The following TAF2 variants were observed in gnomAD, a reference collection of about 807,000 sequenced individuals.
The protein encoded by TAF2 is TATA-box binding protein associated factor 2.
TAF2 carries 61 observed loss-of-function variants against 138.5 expected under a neutral mutation model. The ratio of observed to expected loss-of-function variants is 0.44; its 90% CI spans 0.36 to 0.54. TAF2 has a LOEUF of 0.54. Ranked by LOEUF, TAF2 falls within the 20% of genes least tolerant of loss-of-function variation. The probability of loss-of-function intolerance (pLI) is 0.00; values close to 1 mark genes in which losing one functional copy is unlikely to be tolerated. For synonymous variants in TAF2, 475 were observed against 469.9 expected (o/e 1.01, Z -0.14); for missense variants, 1,090 against 1,427.9 (o/e 0.76, Z 3.81).
chr8:119,752,972 T>C lies in TAF2; in HGVS notation c.2878+3034A>G, dbSNP rs559616486. Among the ~76,000 whole-genome samples, 3 of 152,280 alleles carry C rather than the reference T, an allele frequency of 2.0e-5. No homozygotes were observed. In the East Asian group the frequency reaches 5.8e-4, roughly 29 times the overall value. ...AGGAGCAGGCAGGGTTCCAGCGGAT[T>C]TGGGGACTTAAATGATGCTCTAGCT... On this transcript the variant is annotated intron_variant, in intron 22 of 25. Coordinates refer to ENST00000378164, the MANE Select transcript of TAF2 (RefSeq NM_003184.4).
intron 3 of TAF2, among the ~76,000 whole-genome samples, chr8:119,815,788 A>G (rs188923526): frequency 3.8e-4 from 58 of 152,356 alleles, no homozygotes; most frequent in African/African-American, 1.3e-3. Flanking sequence ...TCTACAATCC[A>G]TAAGATTCAC....
chr8:119,767,990 C>T (rs1252250127), intron 18 of TAF2, among the ~76,000 whole-genome samples: 1 of 152,202 alleles, frequency 6.6e-6, no homozygotes, highest in African/African-American at 2.4e-5. Context: ...ATGTCCCCAA[C>T]AGCGAAATAC....
intron 14 of TAF2, among the ~76,000 whole-genome samples, chr8:119,788,005 G>A (rs1334777492): frequency 6.6e-6 from 1 of 152,074 alleles, no homozygotes; most frequent in East Asian, 1.9e-4. Context: ...ACCAAACACT[G>A]CATGTTCTCA....
At chr8:119,776,688 C>G (rs2131115823) in intron 18 of TAF2, among the ~76,000 whole-genome samples, 1 of 151,688 alleles carries the variant, frequency 6.6e-6, no homozygotes, top group African/African-American at 2.4e-5. Context: ...GACTCTGTCT[C>G]AAAAAAAAGT....
chr8:119,809,826 A>T (rs1237075725), intron 3 of TAF2, among the ~76,000 whole-genome samples: 1 of 152,212 alleles, frequency 6.6e-6, no homozygotes, highest in Non-Finnish European at 1.5e-5. Context: ...TACAATTGTA[A>T]TATCAAAGAT....
chr8:119,824,891 A>G (rs1419047748), intron 2 of TAF2, among the ~76,000 whole-genome samples: 1 of 152,240 alleles, frequency 6.6e-6, no homozygotes. Context: ...AATTTGCTGT[A>G]GAGGTAGGAT....
intron 13 of TAF2, 117 bp downstream of exon 13, chr8:119,788,673 A>G (rs891754092): frequency 3.5e-6 from 3 of 849,460 alleles, no homozygotes; most frequent in South Asian, 1.4e-5. Context: ...TGTTTTCTCA[A>G]TTTATCCACT....
In TAF2 at chr8:119,825,525, A is replaced by G. The variant is rs186407807; in HGVS notation, c.139-6019T>C. ...GAGGGCTTAAGATTTGGGAGGGGCC[A>G]GGGGCAGAATGATACAATTTGGCTG... On this transcript the variant is annotated intron_variant, in intron 2 of 25. Transcript: ENST00000378164. 7.5e-3 allele frequency among the ~76,000 whole-genome samples: 1,145 copies of G among 152,258 alleles called. 17 individuals are homozygous for G. Among genetic ancestry groups the G allele is most frequent in the African/African-American group, 0.026 (1,085 of 41,556 alleles).
intron 18 of TAF2, among the ~76,000 whole-genome samples, chr8:119,776,922 G>T (rs991064661): frequency 6.6e-6 from 1 of 152,044 alleles, no homozygotes; most frequent in African/African-American, 2.4e-5. Context: ...ATATATGTGG[G>T]TTCCATATCC....
At position 119,756,018 on chromosome 8, in the gene TAF2, G is replaced by A. The variant is rs756840055; in HGVS notation, c.2866C>T (p.Leu956Phe). ...NEALVDQLWK[L>F]MNSGTSHDWR... The stretch of plus-strand genomic sequence containing the variant: ...CCTGCTCTCTCACCAGAATTCATAA[G>A]TTTCCAAAGTTGATCTACCAGGGCT... Residue 956 changes from leucine (L) to phenylalanine (F), a missense_variant, in exon 22 of 26, where the codon CTT (leucine) becomes TTT (phenylalanine). Around this residue, in one of 3 missense-constraint regions of TAF2, gnomAD observed 580 missense variants for 719.6 expected, o/e 0.81. Coordinates refer to ENST00000378164, the MANE Select transcript of TAF2 (RefSeq NM_003184.4). The A allele has an allele frequency of 6.2e-7, 1 of 1,611,562 alleles. No homozygotes were observed. The highest frequency in any genetic ancestry group is 1.1e-5 in the South Asian group (1 of 91,012).
Position 119,798,511 on chromosome 8 carries a change from T to C in TAF2, c.793-665A>G, listed in dbSNP as rs117689032. On this transcript the variant is annotated intron_variant, in intron 6 of 25. Transcript: ENST00000378164. ...CACTGACTAGAACAACCGTGTAAGG[T>C]TTCATGCAGGAGTGTGAAGCTGTGG... Among the ~76,000 whole-genome samples the C allele has an allele frequency of 2.1e-4, 32 of 152,254 alleles. No homozygotes were observed. The East Asian group carries it at 6.2e-3, about 29-fold the overall frequency.
At chr8:119,798,979 A>T (rs1363963193) in intron 6 of TAF2, among the ~76,000 whole-genome samples, 1 of 152,182 alleles carries the variant, frequency 6.6e-6, no homozygotes, top group Admixed American at 6.5e-5. Context: ...ATCCTACAAG[A>T]CAGCAAATTT....
intron 18 of TAF2, chr8:119,766,978 CACACAT>C (rs1821471287): frequency 6.6e-6 from 1 of 152,172 alleles, no homozygotes; most frequent in Non-Finnish European, 1.5e-5. Flanking sequence ...TTCTGATTTA[CACACAT>C]ACACATATGT....
At chr8:119,824,565 T>C (rs933179539) in intron 2 of TAF2, among the ~76,000 whole-genome samples, 6 of 152,218 alleles carry the variant, frequency 3.9e-5, no homozygotes, top group Non-Finnish European at 8.8e-5. Flanking sequence ...CCAGGGCATG[T>C]CAGAGGTCTT....
At chr8:119,770,150 GA>G (rs1427433475) in intron 18 of TAF2, among the ~76,000 whole-genome samples, 12 of 145,266 alleles carry the variant, frequency 8.3e-5, no homozygotes, top group Admixed American at 1.4e-4. Flanking sequence ...TCCTGGGGCA[GA>G]AAAAAAAAAG....
Position 119,809,802 on chromosome 8 carries a change from G to A in TAF2, c.300-3401C>T, listed in dbSNP as rs190432344. The stretch of plus-strand genomic sequence containing the variant: ...ATCTTATATGCATGCCATCTGTGGC[G>A]TCCCCAAAACAATTACAATTGTAAT... On this transcript the variant is annotated intron_variant, in intron 3 of 25. Transcript: ENST00000378164. 7.2e-5 allele frequency among the ~76,000 whole-genome samples: 11 copies of A among 152,112 alleles called. No individual in the cohort carries two copies. In the East Asian group the frequency reaches 1.2e-3, roughly 16 times the overall value.
intron 3 of TAF2, among the ~76,000 whole-genome samples, chr8:119,818,871 T>G (rs1825653863): frequency 6.6e-6 from 1 of 152,110 alleles, no homozygotes. Context: ...GATGTAGTAT[T>G]TATCTAAGGT....
intron 18 of TAF2, among the ~76,000 whole-genome samples, chr8:119,764,004 C>T (rs1687048888): frequency 6.6e-6 from 1 of 151,400 alleles, no homozygotes; most frequent in South Asian, 2.1e-4. Context: ...CAAAAATTAG[C>T]AGGGTGTGGT....
At chr8:119,815,476 G>A (rs528852721) in intron 3 of TAF2, among the ~76,000 whole-genome samples, 16 of 151,760 alleles carry the variant, frequency 1.1e-4, no homozygotes, top group South Asian at 4.2e-4. Context: ...GGATTTCACC[G>A]TGTTAGCCAG....
Sources: gnomAD v4.1 joint callset for allele counts (sites outside exome capture counted in the v4.1 genomes callset) on GRCh38, gnomAD v4.1.1 for gene constraint, gnomAD v4.1.1 regional missense constraint, MANE v1.5 for transcripts, NCBI Gene and HGNC (gene_info 2026-07-23, HGNC 2026-07-21) for gene names.